Variants in C8A observed in about 807,000 individuals in gnomAD.
The protein encoded by C8A is complement C8 alpha chain, also known as complement component C8 alpha chain.
C8A carries 67 observed loss-of-function variants against 65.3 expected under a neutral mutation model. The ratio of observed to expected loss-of-function variants is 1.03; its 90% CI spans 0.84 to 1.26. The LOEUF (loss-of-function observed/expected upper bound fraction) is 1.26. Among genes scored for constraint, C8A ranks in the 50% most tolerant of loss-of-function variants. The pLI, the probability that C8A is intolerant of heterozygous loss-of-function variation, is 0.00. For missense variants in C8A, 781 were observed against 723.9 expected (o/e 1.08, Z -0.90); for synonymous variants, 290 against 259.4 (o/e 1.12, Z -1.13).
At chr1:56,917,384 A>T (rs1644560865) in intron 10 of C8A, among the ~76,000 whole-genome samples, 181 bp from the exon 11 acceptor site, 1 of 152,228 alleles carries the variant, frequency 6.6e-6, no homozygotes, top group African/African-American at 2.4e-5. Context: ...GGACTAACAA[A>T]GGAGCAAAGA....
intron 1 of C8A, among the ~76,000 whole-genome samples, chr1:56,857,853 G>C (rs79413192): frequency 2.0e-5 from 3 of 151,956 alleles, no homozygotes; most frequent in African/African-American, 7.2e-5. Flanking sequence ...ACTCTCATCT[G>C]TCTTTCTTAT....
At chr1:56,897,079 A>G (rs1408931860) in intron 7 of C8A, among the ~76,000 whole-genome samples, 4 of 152,210 alleles carry the variant, frequency 2.6e-5, no homozygotes, top group Non-Finnish European at 5.9e-5. Context: ...CAGTAAACCT[A>G]GATATTTTAT....
intron 1 of C8A, among the ~76,000 whole-genome samples, chr1:56,861,495 C>T (rs997918631): frequency 3.9e-5 from 6 of 152,140 alleles, no homozygotes; most frequent in African/African-American, 1.4e-4. Context: ...CTAAGCCTTT[C>T]CTGAGGGATC....
chr1:56,883,459 T>C (rs376414667), intron 5 of C8A, 22 bp from the exon 6 acceptor site: 42 of 1,596,446 alleles, frequency 2.6e-5, no homozygotes, highest in Non-Finnish European at 3.3e-5. Flanking sequence ...ACAAAGCTAA[T>C]ATCTATCCTT....
At chr1:56,874,425 C>T (rs1480512094) in intron 2 of C8A, among the ~76,000 whole-genome samples, 1 of 152,182 alleles carries the variant, frequency 6.6e-6, no homozygotes, top group Non-Finnish European at 1.5e-5. Flanking sequence ...CAGATGTCTT[C>T]TGAACGTGCC....
chr1:56,868,936 T>A (rs139112258), intron 2 of C8A, among the ~76,000 whole-genome samples: 55 of 152,330 alleles, frequency 3.6e-4, no homozygotes, highest in African/African-American at 1.3e-3. Flanking sequence ...TTGTGAGCAA[T>A]ACATGAGTAA....
intron 2 of C8A, among the ~76,000 whole-genome samples, chr1:56,869,703 CAT>C (rs772845428): frequency 1.1e-4 from 16 of 152,204 alleles, no homozygotes; most frequent in Non-Finnish European, 1.9e-4. Flanking sequence ...TAATTATGGC[CAT>C]TCTTTCAGGA....
chr1:56,878,916 A>G (rs367629632), intron 4 of C8A, among the ~76,000 whole-genome samples: 1 of 152,338 alleles, frequency 6.6e-6, no homozygotes, highest in South Asian at 2.1e-4. Context: ...CATGCTATAC[A>G]TATTGTCTGC....
intron 7 of C8A, among the ~76,000 whole-genome samples, chr1:56,897,581 G>A (rs1442337987): frequency 1.3e-5 from 2 of 152,198 alleles, no homozygotes; most frequent in African/African-American, 4.8e-5. Flanking sequence ...ATAAGACAAA[G>A]GCAGCCCAGA....
chr1:56,907,788 G>A (rs558093147), intron 8 of C8A, among the ~76,000 whole-genome samples, 168 bp from the exon 9 acceptor site: 7 of 152,206 alleles, frequency 4.6e-5, no homozygotes, highest in Admixed American at 6.5e-5. Context: ...CTGAGTCTTG[G>A]TCCTTCCCTT....
rs201408238 is a variant in C8A at position 56,912,417 on chromosome 1, C to A, written c.1395C>A (p.His465Gln). The change falls in exon 10 of 11, where the codon CAC (histidine) becomes CAA (glutamine). Residue 465 changes from histidine (H) to glutamine (Q), a missense_variant. By Grantham distance (24) the His-to-Gln change is conservative. Transcript: ENST00000361249. Reference protein sequence around the residue: ...VVIDFEMQPIHEVLRHTSLGP... With the variant: ...VVIDFEMQPIQEVLRHTSLGP... Reference sequence around the variant, plus strand: ...TGTGCCCACAGATGCAGCCTATCCACGAGGTGCTGCGGCACACAAGCCTGG... The same window carrying A: ...TGTGCCCACAGATGCAGCCTATCCAAGAGGTGCTGCGGCACACAAGCCTGG... The A allele has an allele frequency of 6.2e-7, 1 of 1,614,054 alleles. No individual in the cohort carries two copies. The highest frequency in any genetic ancestry group is 8.5e-7 in the Non-Finnish European group (1 of 1,180,008).
At chr1:56,866,126 C>A (rs1644085917) in intron 1 of C8A, among the ~76,000 whole-genome samples, 2 of 152,158 alleles carry the variant, frequency 1.3e-5, no homozygotes, top group Admixed American at 6.5e-5. Flanking sequence ...ACACTCCTCC[C>A]CGTTTCAACT....
Position 56,881,408 on chromosome 1 carries a change from T to C in C8A, c.465-37T>C, listed in dbSNP as rs767949015. 19 of 1,606,308 alleles carry C rather than the reference T, an allele frequency of 1.2e-5. No individual in the cohort carries two copies. The South Asian group carries it at 1.7e-4, about 14-fold the overall frequency. On this transcript the variant is annotated intron_variant, in intron 4 of 10. Coordinates refer to ENST00000361249, the MANE Select transcript of C8A (RefSeq NM_000562.3). ...CATCACCCAGGTATAAAACCCAGCA[T>C]CCACTAGCTATTTAGAAGCTGCTTT...
intron 8 of C8A, among the ~76,000 whole-genome samples, chr1:56,907,120 G>A (rs7520004): frequency 0.12 from 17,786 of 152,118 alleles, 1,120 homozygotes; most frequent in Non-Finnish European, 0.15. Context: ...ACAGTTCAGA[G>A]GGAGGAAATA....
rs1364825553 is a variant in C8A, at chr1:56,876,116, G to A, written c.371G>A (p.Gly124Asp). ...VCNGDQDCLD[G>D]SDEDDCEDVR... is the part of the protein sequence containing the mutation. ...AATGGAGACCAGGACTGCCTTGATGGCTCTGATGAGGACGACTGTGAAGAT... is the reference window on the plus strand; with the variant it reads ...AATGGAGACCAGGACTGCCTTGATGACTCTGATGAGGACGACTGTGAAGAT... The change falls in exon 4 of 11, where the codon GGC becomes GAC. Residue 124 changes from glycine (G) to aspartate (D), a missense_variant. Gly to Asp is a moderately conservative substitution (Grantham distance 94, BLOSUM62 -1). Transcript: ENST00000361249. The A allele has an allele frequency of 6.2e-7, 1 of 1,613,872 alleles. No individual in the cohort carries two copies. Among genetic ancestry groups the A allele is most frequent in the Admixed American group, 1.7e-5 (1 of 60,000 alleles).
intron 1 of C8A, among the ~76,000 whole-genome samples, chr1:56,860,803 G>T (rs1239892901): frequency 6.6e-6 from 1 of 152,160 alleles, no homozygotes; most frequent in Admixed American, 6.5e-5. Context: ...TCTTAAGGGT[G>T]AAAAAAGCAG....
At chr1:56,872,075 A>C (rs755371986) in intron 2 of C8A, among the ~76,000 whole-genome samples, 6 of 152,160 alleles carry the variant, frequency 3.9e-5, no homozygotes, top group Admixed American at 6.5e-5. Flanking sequence ...TTCAGGCTCA[A>C]ATTTGCCCTT....
At chr1:56,874,363 A>G (rs1362831399) in intron 2 of C8A, among the ~76,000 whole-genome samples, 1 of 152,188 alleles carries the variant, frequency 6.6e-6, no homozygotes, top group Non-Finnish European at 1.5e-5. Flanking sequence ...ATATATCTCC[A>G]AAGAAAGAGG....
At chr1:56,908,138 ACT>A (rs774658885) in intron 9 of C8A, 25 bp downstream of exon 9, 1 of 1,610,888 alleles carries the variant, frequency 6.2e-7, no homozygotes, top group South Asian at 1.1e-5. Flanking sequence ...AGTTGAAGAA[ACT>A]CTACGTCCAT....
Sources: gnomAD v4.1 joint callset for allele counts (sites outside exome capture counted in the v4.1 genomes callset) on GRCh38, gnomAD v4.1.1 for gene constraint, MANE v1.5 for transcripts, NCBI Gene and HGNC (gene_info 2026-07-23, HGNC 2026-07-21) for gene names.